The following BICC1 variants were observed in gnomAD, a reference collection of about 807,000 sequenced individuals.
BICC1 encodes protein bicaudal C homolog 1.
BICC1 carries 43 observed loss-of-function variants against 111.0 expected under a neutral mutation model. That is an observed-to-expected ratio of 0.39 (90% CI 0.30 to 0.50). The LOEUF (loss-of-function observed/expected upper bound fraction) is 0.50, where lower values mean the gene tolerates loss of function less well. Among genes scored for constraint, BICC1 ranks in the 20% least tolerant of loss-of-function variants. The pLI is 0.88. For synonymous variants in BICC1, 467 were observed against 434.4 expected (o/e 1.07, Z -0.93); for missense variants, 1,091 against 1,203.2 (o/e 0.91, Z 1.38).
At chr10:58,541,509 A>G (rs1034637149) in intron 1 of BICC1, among the ~76,000 whole-genome samples, 1 of 152,118 alleles carries the variant, frequency 6.6e-6, no homozygotes, top group Non-Finnish European at 1.5e-5. Flanking sequence ...GAGGCGAAAC[A>G]CTTCTACACT....
At chr10:58,610,458 TC>T (rs1433298222) in intron 1 of BICC1, among the ~76,000 whole-genome samples, 1 of 152,122 alleles carries the variant, frequency 6.6e-6, no homozygotes. Flanking sequence ...TTAGGAATCC[TC>T]CCCCTAACCT....
intron 1 of BICC1, among the ~76,000 whole-genome samples, chr10:58,542,167 C>CAA (rs796757686): frequency 3.5e-4 from 32 of 91,530 alleles, no homozygotes; most frequent in African/African-American, 1.0e-3. Context: ...AAAAAAAAAA[C>CAA]AAAAAAAAAA....
At chr10:58,672,145 G>A (rs552100306) in intron 2 of BICC1, among the ~76,000 whole-genome samples, 1 of 152,098 alleles carries the variant, frequency 6.6e-6, no homozygotes, top group Middle Eastern at 3.2e-3. Flanking sequence ...GTGGCATTGA[G>A]TATATTCACA....
chr10:58,725,766 C>G (rs1841085762), intron 3 of BICC1, among the ~76,000 whole-genome samples: 1 of 152,198 alleles, frequency 6.6e-6, no homozygotes, highest in South Asian at 2.1e-4. Flanking sequence ...GCTAGTATTA[C>G]TACCAGCAGT....
intron 9 of BICC1, among the ~76,000 whole-genome samples, chr10:58,794,175 G>T (rs1356043762): frequency 6.7e-6 from 1 of 149,126 alleles, no homozygotes; most frequent in African/African-American, 2.5e-5. Flanking sequence ...TTGTGTGTGT[G>T]TGTGTGTGTG....
chr10:58,760,787 A>C (rs1256624723), intron 3 of BICC1, among the ~76,000 whole-genome samples: 1 of 152,104 alleles, frequency 6.6e-6, no homozygotes, highest in Admixed American at 6.5e-5. Flanking sequence ...GGCTTTTTCT[A>C]ATGGGAGGAG....
intron 3 of BICC1, among the ~76,000 whole-genome samples, chr10:58,753,332 C>A (rs1018326120): frequency 2.6e-5 from 4 of 152,040 alleles, no homozygotes; most frequent in African/African-American, 7.2e-5. Flanking sequence ...TCAGGCCTGG[C>A]TGATTTTTTA....
At chr10:58,699,852 C>A (rs750160257) in intron 2 of BICC1, among the ~76,000 whole-genome samples, 7 of 152,196 alleles carry the variant, frequency 4.6e-5, no homozygotes, top group Admixed American at 2.0e-4. Context: ...CCACCACATT[C>A]AGCTAATTTT....
intron 3 of BICC1, among the ~76,000 whole-genome samples, chr10:58,752,016 T>G (rs1434533126): frequency 1.3e-5 from 2 of 152,224 alleles, no homozygotes; most frequent in Non-Finnish European, 2.9e-5. Flanking sequence ...TCACTATGAT[T>G]TCACATGAGC....
At chr10:58,589,308 G>A (rs1844528518) in intron 1 of BICC1, among the ~76,000 whole-genome samples, 1 of 152,068 alleles carries the variant, frequency 6.6e-6, no homozygotes, top group Admixed American at 6.5e-5. Flanking sequence ...CAGCTTCTGG[G>A]GGAATCCAGT....
At chr10:58,751,266 A>G (rs567035721) in intron 3 of BICC1, among the ~76,000 whole-genome samples, 4 of 152,260 alleles carry the variant, frequency 2.6e-5, no homozygotes, top group South Asian at 4.1e-4. Context: ...TTTTATTTCT[A>G]TACTACTAAA....
chr10:58,554,475 A>G (rs1424949640), intron 1 of BICC1, among the ~76,000 whole-genome samples: 1 of 152,176 alleles, frequency 6.6e-6, no homozygotes, highest in African/African-American at 2.4e-5. Context: ...CATGTTAGCC[A>G]TTATAAACGC....
At chr10:58,790,077 T>A in intron 8 of BICC1, 144 bp downstream of exon 8, 2 of 893,278 alleles carry the variant, frequency 2.2e-6, no homozygotes, top group Middle Eastern at 2.8e-4. Flanking sequence ...TAAAAGGAAA[T>A]AAACTGGAAG....
chr10:58,756,626 C>CTTTTTTTTTT (rs66709538), intron 3 of BICC1, among the ~76,000 whole-genome samples: 3 of 135,888 alleles, frequency 2.2e-5, no homozygotes, highest in African/African-American at 3.0e-5. Context: ...AACTACTAGC[C>CTTTTTTTTTT]TTTTTTTTTT....
chr10:58,608,423 A>G (rs1351742926), intron 1 of BICC1, among the ~76,000 whole-genome samples: 7 of 152,200 alleles, frequency 4.6e-5, no homozygotes, highest in Non-Finnish European at 8.8e-5. Flanking sequence ...TTGAAAAAAG[A>G]AAACGCGTTT....
intron 1 of BICC1, among the ~76,000 whole-genome samples, chr10:58,617,246 C>T (rs546095404): frequency 6.6e-5 from 10 of 152,338 alleles, no homozygotes; most frequent in South Asian, 2.1e-4. Flanking sequence ...TAGCTGATAG[C>T]GGGATGGATG....
At chr10:58,691,393 A>G (rs1316130176) in intron 2 of BICC1, among the ~76,000 whole-genome samples, 1 of 152,166 alleles carries the variant, frequency 6.6e-6, no homozygotes, top group African/African-American at 2.4e-5. Flanking sequence ...TTCCTTGGAG[A>G]ATGAAGTAGC....
At chr10:58,804,380 G>A (rs370166992) in intron 15 of BICC1, among the ~76,000 whole-genome samples, 3 of 152,044 alleles carry the variant, frequency 2.0e-5, no homozygotes, top group African/African-American at 4.8e-5. Context: ...TTAGCAGGGC[G>A]TGGTGGCATG....
Position 58,807,169 on chromosome 10 carries a change from T to C in BICC1, c.2376+11T>C. On this transcript the variant is annotated intron_variant, in intron 17 of 20. Coordinates refer to ENST00000373886, the MANE Select transcript of BICC1 (RefSeq NM_001080512.3). ...ACAACCACTTATGAGGTTTGTAGAG[T>C]CATGTCCTACTCATTCTTCCTGTCT... The C allele has an allele frequency of 6.2e-7, 1 of 1,606,858 alleles. No individual in the cohort carries two copies.
Sources: allele counts gnomAD v4.1 joint callset (sites outside exome capture counted in the v4.1 genomes callset), GRCh38; gene constraint gnomAD v4.1.1; transcripts MANE v1.5; gene names NCBI Gene and HGNC (gene_info 2026-07-23, HGNC 2026-07-21).